Variants in CDKAL1 observed in about 807,000 individuals in gnomAD.
CDKAL1 encodes the protein threonylcarbamoyladenosine tRNA methylthiotransferase.
Under a neutral mutation model 68.2 loss-of-function variants are expected in CDKAL1, and 32 were observed. That is an observed-to-expected ratio of 0.47 (90% CI 0.35 to 0.63). The LOEUF (loss-of-function observed/expected upper bound fraction) is 0.63, where lower values mean the gene tolerates loss of function less well. Ranked by LOEUF, CDKAL1 falls within the 30% of genes least tolerant of loss-of-function variation. The pLI is 0.00. For synonymous variants in CDKAL1, 234 were observed against 244.3 expected, an observed-to-expected ratio of 0.96 and a Z score of 0.39; for missense variants, 606 against 696.7, an observed-to-expected ratio of 0.87 and a Z score of 1.47.
intron 4 of CDKAL1, among the ~76,000 whole-genome samples, chr6:20,581,783 GT>G (rs1342890102): frequency 1.3e-5 from 2 of 152,026 alleles, no homozygotes; most frequent in Non-Finnish European, 2.9e-5. Flanking sequence ...GAAGTTGCAG[GT>G]TTTTTTCCTT....
chr6:20,799,040 G>GTTGTT (rs1776242510), intron 8 of CDKAL1, among the ~76,000 whole-genome samples: 1 of 47,482 alleles, frequency 2.1e-5, no homozygotes, highest in African/African-American at 8.5e-5. Context: ...AAAGAACTGA[G>GTTGTT]TTTTTTTTTT....
At chr6:21,001,596 A>T (rs1333273043) in intron 11 of CDKAL1, among the ~76,000 whole-genome samples, 2 of 152,208 alleles carry the variant, frequency 1.3e-5, no homozygotes, top group African/African-American at 4.8e-5. Context: ...CAAAGTGGAA[A>T]ATGGAAAATA....
At chr6:20,932,744 C>T (rs961184467) in intron 9 of CDKAL1, among the ~76,000 whole-genome samples, 1 of 152,108 alleles carries the variant, frequency 6.6e-6, no homozygotes, top group East Asian at 1.9e-4. Flanking sequence ...AAAAATGTTT[C>T]CCTAAAGAAA....
chr6:20,669,223 A>T (rs951288440), intron 5 of CDKAL1, among the ~76,000 whole-genome samples: 2 of 152,140 alleles, frequency 1.3e-5, no homozygotes, highest in Non-Finnish European at 2.9e-5. Context: ...TCCCTTGGTT[A>T]TTCTTACCTG....
chr6:20,574,200 A>G (rs151111461), intron 4 of CDKAL1, among the ~76,000 whole-genome samples: 42 of 152,276 alleles, frequency 2.8e-4, no homozygotes, highest in African/African-American at 9.4e-4. Context: ...CTAGTCAGAG[A>G]CTTTGCAAAT....
At chr6:20,894,472 A>G (rs1054611862) in intron 9 of CDKAL1, among the ~76,000 whole-genome samples, 4 of 149,058 alleles carry the variant, frequency 2.7e-5, no homozygotes, top group Non-Finnish European at 5.9e-5. Context: ...ACTTATTAAT[A>G]CTTCAAATTT....
chr6:20,622,404 G>C (rs1561974560), intron 4 of CDKAL1, among the ~76,000 whole-genome samples: 1 of 152,070 alleles, frequency 6.6e-6, no homozygotes, highest in Non-Finnish European at 1.5e-5. Context: ...AGATATTTGA[G>C]AATTATATCT....
At chr6:20,565,371 G>A (rs1049622308) in intron 4 of CDKAL1, among the ~76,000 whole-genome samples, 3 of 152,040 alleles carry the variant, frequency 2.0e-5, no homozygotes, top group African/African-American at 7.2e-5. Flanking sequence ...ATTTCTCTCT[G>A]AAAATCACTT....
Position 20,806,379 on chromosome 6 carries a change from G to A in CDKAL1, c.638+25114G>A, listed in dbSNP as rs111696488. On this transcript the variant is annotated intron_variant, in intron 8 of 15. Coordinates refer to ENST00000274695, the MANE Select transcript of CDKAL1 (RefSeq NM_017774.3). Reference sequence around the variant, plus strand: ...CCACATTTTCTTTGTTCAGTGTACCGTTGGTGGGTATTTGGATTGAGTCCA... The same window carrying A: ...CCACATTTTCTTTGTTCAGTGTACCATTGGTGGGTATTTGGATTGAGTCCA... 4.5e-4 allele frequency among the ~76,000 whole-genome samples: 68 copies of A among 152,248 alleles called. 1 individual carries two copies. Among genetic ancestry groups the A allele is most frequent in the African/African-American group, 1.3e-3 (56 of 41,548 alleles).
chr6:21,209,157 C>G (rs1316058885), intron 15 of CDKAL1, among the ~76,000 whole-genome samples: 2 of 152,170 alleles, frequency 1.3e-5, no homozygotes, highest in East Asian at 1.9e-4. Flanking sequence ...GTTTATTATT[C>G]TAGCCTGGCC....
At chr6:20,941,912 T>G (rs955818260) in intron 9 of CDKAL1, among the ~76,000 whole-genome samples, 1 of 152,236 alleles carries the variant, frequency 6.6e-6, no homozygotes, top group Non-Finnish European at 1.5e-5. Context: ...AGGTAGTTAT[T>G]TCAAAATGAC....
At chr6:20,566,244 G>T (rs1055334398) in intron 4 of CDKAL1, among the ~76,000 whole-genome samples, 1 of 152,130 alleles carries the variant, frequency 6.6e-6, no homozygotes, top group Non-Finnish European at 1.5e-5. Flanking sequence ...ATTTTGCCTG[G>T]TTCCTTTAGA....
intron 9 of CDKAL1, among the ~76,000 whole-genome samples, chr6:20,847,876 G>A (rs1778433911): frequency 6.6e-6 from 1 of 152,190 alleles, no homozygotes; most frequent in South Asian, 2.1e-4. Context: ...GATTTATTGA[G>A]AATGAAAATA....
chr6:20,984,509 A>G (rs934911154), intron 10 of CDKAL1, among the ~76,000 whole-genome samples: 6 of 152,308 alleles, frequency 3.9e-5, no homozygotes, highest in Non-Finnish European at 2.9e-5. Flanking sequence ...AGCTAAGTGG[A>G]GGGTGCACAC....
chr6:20,690,223 T>C (rs2127801812), intron 5 of CDKAL1, among the ~76,000 whole-genome samples: 1 of 152,346 alleles, frequency 6.6e-6, no homozygotes, highest in African/African-American at 2.4e-5. Flanking sequence ...TAATATTTCA[T>C]TTTATGGATA....
At position 20,869,884 on chromosome 6, in the gene CDKAL1, G is replaced by A. The variant is rs559996497; in HGVS notation, c.742+23706G>A. On this transcript the variant is annotated intron_variant, in intron 9 of 15. Transcript: ENST00000274695. ...TTTTTAATGCTGTATAATTTATAAC[G>A]GGGTGCAGTGTATCAAAATAAGACG... is the stretch of plus-strand genomic sequence containing the variant. Among the ~76,000 whole-genome samples, 8 of 152,140 alleles carry A rather than the reference G, an allele frequency of 5.3e-5. No individual in the cohort carries two copies. In the South Asian group the frequency reaches 1.2e-3, roughly 24 times the overall value.
chr6:20,680,629 A>G (rs371794607), intron 5 of CDKAL1, among the ~76,000 whole-genome samples: 1 of 152,148 alleles, frequency 6.6e-6, no homozygotes, highest in East Asian at 1.9e-4. Flanking sequence ...TTCTTTCTAT[A>G]AGCAAGACTT....
intron 6 of CDKAL1, among the ~76,000 whole-genome samples, chr6:20,743,996 T>C (rs1027865136): frequency 6.6e-6 from 1 of 152,242 alleles, no homozygotes; most frequent in Non-Finnish European, 1.5e-5. Flanking sequence ...GTGACCAGTA[T>C]AGAATCAGGA....
At chr6:20,544,626 G>A (rs1459738499) in intron 2 of CDKAL1, among the ~76,000 whole-genome samples, 1 of 146,418 alleles carries the variant, frequency 6.8e-6, no homozygotes, top group African/African-American at 2.6e-5. Flanking sequence ...AAAAAATTGG[G>A]TAGACCAGTT....
Sources: allele counts gnomAD v4.1 joint callset (sites outside exome capture counted in the v4.1 genomes callset), GRCh38; gene constraint gnomAD v4.1.1; transcripts MANE v1.5; gene names NCBI Gene and HGNC (gene_info 2026-07-23, HGNC 2026-07-21).